The following GRM7 variants were observed in gnomAD, a reference collection of about 807,000 sequenced individuals.
GRM7 encodes glutamate metabotropic receptor 7, also known as metabotropic glutamate receptor 7.
In GRM7, 35 loss-of-function variants were observed where a neutral mutation model predicts 84.5. That is an observed-to-expected ratio of 0.41 (90% CI 0.32 to 0.55). GRM7 has a LOEUF of 0.55. Among genes scored for constraint, GRM7 ranks in the 20% least tolerant of loss-of-function variants. GRM7 has a pLI of 0.19. For missense variants in GRM7, 1,003 were observed against 1,194.6 expected (o/e 0.84, Z 2.36); for synonymous variants, 487 against 455.1 (o/e 1.07, Z -0.89).
At chr3:6,938,583 A>T (rs1559339611) in intron 1 of GRM7, among the ~76,000 whole-genome samples, 1 of 152,230 alleles carries the variant, frequency 6.6e-6, no homozygotes, top group Non-Finnish European at 1.5e-5. Context: ...TAAGAGAGAC[A>T]GGCATTGACA....
chr3:7,286,994 G>A (rs552693839), intron 2 of GRM7, among the ~76,000 whole-genome samples: 1 of 152,192 alleles, frequency 6.6e-6, no homozygotes, highest in Admixed American at 6.5e-5. Flanking sequence ...CACAGTTTGG[G>A]GTAAATTACT....
At chr3:7,508,571 C>T (rs961610856) in intron 7 of GRM7, among the ~76,000 whole-genome samples, 1 of 152,028 alleles carries the variant, frequency 6.6e-6, no homozygotes, top group African/African-American at 2.4e-5. Context: ...TGTGTAATTC[C>T]ATTAATGAGC....
intron 1 of GRM7, among the ~76,000 whole-genome samples, chr3:6,920,302 C>T (rs1467925438): frequency 6.6e-6 from 1 of 152,106 alleles, no homozygotes; most frequent in Admixed American, 6.5e-5. Flanking sequence ...CACTTGTAAT[C>T]CTAGCACTTT....
chr3:7,450,085 A>T (rs532178382), intron 5 of GRM7, among the ~76,000 whole-genome samples: 4 of 149,462 alleles, frequency 2.7e-5, no homozygotes, highest in Non-Finnish European at 5.9e-5. Context: ...AATTAAATTT[A>T]AAAAGAGAAG....
rs377452581 is a variant in GRM7 at position 7,452,887 on chromosome 3, T to C, written c.1375+80T>C. 206 of 855,006 alleles carry C rather than the reference T, an allele frequency of 2.4e-4. No homozygotes were observed. The African/African-American group carries it at 3.0e-3, about 13-fold the overall frequency. The allele number at this position is 855,006 out of a possible 1,614,324, so 53.0% of individuals were successfully genotyped here. A position where few individuals can be genotyped will look rare whatever the true frequency, so the allele number is the denominator to read the frequency against. On this transcript the variant is annotated intron_variant, in intron 6 of 9. Transcript: ENST00000357716. ...CATAAGTTTTAAATGTCTATTATTA[T>C]TTACTTTAAAATATGTGTCAAAACT... is the stretch of plus-strand genomic sequence containing the variant.
chr3:7,056,908 T>G (rs903911459), intron 1 of GRM7, among the ~76,000 whole-genome samples: 1 of 152,004 alleles, frequency 6.6e-6, no homozygotes, highest in East Asian at 1.9e-4. Context: ...TCCTCATAGA[T>G]ATCCTTATTA....
At chr3:7,384,429 T>G (rs1694706694) in intron 4 of GRM7, among the ~76,000 whole-genome samples, 1 of 152,188 alleles carries the variant, frequency 6.6e-6, no homozygotes, top group African/African-American at 2.4e-5. Flanking sequence ...TTGTTGAAGT[T>G]TGTGCCAATG....
chr3:7,710,888 T>C (rs1316709503), intron 9 of GRM7, among the ~76,000 whole-genome samples: 2 of 152,184 alleles, frequency 1.3e-5, no homozygotes, highest in Non-Finnish European at 2.9e-5. Flanking sequence ...TCCCCACCTT[T>C]TTCACCTGTC....
chr3:7,596,446 T>A (rs937138498), intron 8 of GRM7, among the ~76,000 whole-genome samples: 6 of 152,178 alleles, frequency 3.9e-5, no homozygotes, highest in African/African-American at 1.4e-4. Flanking sequence ...CATGTAGGCA[T>A]AATTGTAGAT....
intron 1 of GRM7, among the ~76,000 whole-genome samples, chr3:7,034,790 C>T (rs1219190503): frequency 6.6e-6 from 1 of 152,212 alleles, no homozygotes; most frequent in Non-Finnish European, 1.5e-5. Context: ...CTGGACACAG[C>T]TGGAGTCATG....
In GRM7 at chr3:6,918,498, T is replaced by C. The variant is rs1697017229; in HGVS notation, c.519+56591T>C. Among the ~76,000 whole-genome samples the C allele has an allele frequency of 2.0e-5, 3 of 152,222 alleles. No homozygotes were observed. In the South Asian group the frequency reaches 6.2e-4, roughly 31 times the overall value. On this transcript the variant is annotated intron_variant, in intron 1 of 9. Transcript: ENST00000357716. Reference sequence around the variant, plus strand: ...TCCCAGCTCCATCACTTACTAGTTGTGTATCCTTGGAGAAAGTTTCTTAAC... The same window carrying C: ...TCCCAGCTCCATCACTTACTAGTTGCGTATCCTTGGAGAAAGTTTCTTAAC...
At chr3:7,249,467 A>G (rs1460881054) in intron 2 of GRM7, among the ~76,000 whole-genome samples, 1 of 152,308 alleles carries the variant, frequency 6.6e-6, no homozygotes, top group South Asian at 2.1e-4. Context: ...TAGAGACAAC[A>G]TGGAAATGTG....
chr3:7,233,297 T>C (rs1403461601), intron 2 of GRM7, among the ~76,000 whole-genome samples: 1 of 152,174 alleles, frequency 6.6e-6, no homozygotes, highest in South Asian at 2.1e-4. Context: ...TAAAAAGACT[T>C]CTTGATCACT....
chr3:7,036,298 G>A (rs1001822447), intron 1 of GRM7, among the ~76,000 whole-genome samples: 1 of 152,144 alleles, frequency 6.6e-6, no homozygotes, highest in Non-Finnish European at 1.5e-5. Flanking sequence ...TACAGAATAA[G>A]GAAATTAAAA....
chr3:7,224,933 GT>G (rs889023809), intron 2 of GRM7, among the ~76,000 whole-genome samples: 1 of 152,092 alleles, frequency 6.6e-6, no homozygotes, highest in Non-Finnish European at 1.5e-5. Context: ...ATGTACCCTT[GT>G]GTTGTGCCTT....
chr3:7,235,689 G>A (rs764405788), intron 2 of GRM7, among the ~76,000 whole-genome samples: 5 of 151,986 alleles, frequency 3.3e-5, no homozygotes, highest in East Asian at 1.9e-4. Flanking sequence ...AACTCACAAC[G>A]GAAATACATC....
intron 8 of GRM7, among the ~76,000 whole-genome samples, chr3:7,653,879 G>A (rs1699066345): frequency 6.6e-6 from 1 of 152,106 alleles, no homozygotes; most frequent in African/African-American, 2.4e-5. Context: ...GAAAGAAACA[G>A]GACAAATAAT....
chr3:7,499,937 G>A (rs1699831439), intron 7 of GRM7, among the ~76,000 whole-genome samples: 1 of 152,056 alleles, frequency 6.6e-6, no homozygotes, highest in African/African-American at 2.4e-5. Context: ...ACCACGCCCG[G>A]CTAATTTTTT....
intron 1 of GRM7, among the ~76,000 whole-genome samples, chr3:7,081,823 A>G (rs1160872426): frequency 6.6e-6 from 1 of 152,086 alleles, no homozygotes; most frequent in Non-Finnish European, 1.5e-5. Flanking sequence ...GTGGATAGAA[A>G]ATCCAACCAG....
Sources: gnomAD v4.1 joint callset for allele counts (sites outside exome capture counted in the v4.1 genomes callset) on GRCh38, gnomAD v4.1.1 for gene constraint, MANE v1.5 for transcripts, NCBI Gene and HGNC (gene_info 2026-07-23, HGNC 2026-07-21) for gene names.